ME2: variants seen among roughly 807,000 people sequenced by gnomAD.
The protein encoded by ME2 is malic enzyme 2.
ME2 carries 60 observed loss-of-function variants against 73.7 expected under a neutral mutation model. The ratio of observed to expected loss-of-function variants is 0.81; its 90% CI spans 0.66 to 1.01. ME2 has a LOEUF of 1.01. ME2 is among the 50% of genes least tolerant of loss of function. The pLI, the probability that ME2 is intolerant of heterozygous loss-of-function variation, is 0.00. For synonymous variants in ME2, 199 were observed against 236.9 expected, an observed-to-expected ratio of 0.84 and a Z score of 1.47; for missense variants, 594 against 705.5, an observed-to-expected ratio of 0.84 and a Z score of 1.79.
chr18:50,898,400 A>G (rs2144201429), intron 2 of ME2, among the ~76,000 whole-genome samples: 1 of 152,180 alleles, frequency 6.6e-6, no homozygotes, highest in South Asian at 2.1e-4. Context: ...GAACTTTTTT[A>G]TTATCCCAAG....
intron 15 of ME2, among the ~76,000 whole-genome samples, chr18:50,942,895 G>A (rs923465468): frequency 8.6e-5 from 13 of 151,520 alleles, no homozygotes; most frequent in African/African-American, 2.7e-4. Context: ...TGCATAGTCC[G>A]TTTTTCTCTA....
rs1000700979 is a variant in ME2 at position 50,953,659 on chromosome 18, T to C, written c.*6475T>C. 6.6e-6 allele frequency: 1 copy of C among 152,222 alleles called. No homozygotes were observed. The highest frequency in any genetic ancestry group is 1.5e-5 in the Non-Finnish European group (1 of 68,036). 9.4% of individuals were successfully genotyped at this position (152,222 alleles called of 1,614,324 possible). ...AAATTTCAGTTGTGCTTATATATTA[T>C]AATATTCACTTTAGGAATCCACCTG... On this transcript the variant is annotated 3_prime_UTR_variant, in exon 16 of 16. Coordinates refer to ENST00000321341, the MANE Select transcript of ME2 (RefSeq NM_002396.5).
intron 3 of ME2, among the ~76,000 whole-genome samples, chr18:50,912,148 A>G (rs2144223895): frequency 6.6e-6 from 1 of 152,300 alleles, no homozygotes; most frequent in South Asian, 2.1e-4. Flanking sequence ...GTCAGGGGAA[A>G]GATAAGTCTG....
intron 4 of ME2, 119 bp from the exon 5 acceptor site, chr18:50,916,049 T>G: frequency 1.4e-6 from 1 of 696,118 alleles, no homozygotes; most frequent in South Asian, 2.0e-5. Context: ...TAGCTAAATC[T>G]GCTTGGAAAT....
rs1285852086 is a variant in ME2, at chr18:50,950,867, T to A, written c.*3683T>A. ...TGAACAACATGCTGAGAGGCATTGC[T>A]CCAGGATACTGCATGTAGTGAGCAG... On this transcript the variant is annotated 3_prime_UTR_variant, in exon 16 of 16. Transcript: ENST00000321341. 2.6e-5 allele frequency: 4 copies of A among 152,184 alleles called. No individual in the cohort carries two copies. The East Asian group carries it at 7.7e-4, about 29-fold the overall frequency. 9.4% of individuals were successfully genotyped at this position (152,184 alleles called of 1,614,324 possible).
rs796828414 is a variant in ME2 at position 50,948,033 on chromosome 18, C to A, written c.*849C>A. 3 of 152,298 alleles carry A rather than the reference C, an allele frequency of 2.0e-5. No individual in the cohort carries two copies. The highest frequency in any genetic ancestry group is 7.2e-5 in the African/African-American group (3 of 41,566). The allele number at this position is 152,298 out of a possible 1,614,324, so 9.4% of individuals were successfully genotyped here. ...GGGAACATCACGTGACTTTTTAAAT[C>A]TAAATTAGTCATGCTTCACATCAAA... On this transcript the variant is annotated 3_prime_UTR_variant, in exon 16 of 16. Coordinates refer to ENST00000321341, the MANE Select transcript of ME2 (RefSeq NM_002396.5).
rs1320031263 is a variant in ME2, at chr18:50,950,467, C to CCTTTTTTTTTTTTTTTTT, written c.*3283_*3284insCTTTTTTTTTTTTTTTTT. The CCTTTTTTTTTTTTTTTTT allele has an allele frequency of 1.6e-4, 7 of 45,088 alleles. No homozygotes were observed. Among genetic ancestry groups the CCTTTTTTTTTTTTTTTTT allele is most frequent in the African/African-American group, 6.2e-4 (7 of 11,298 alleles). 2.8% of individuals were successfully genotyped at this position (45,088 alleles called of 1,614,324 possible). A position where few individuals can be genotyped will look rare whatever the true frequency, so the allele number is the denominator to read the frequency against. On this transcript the variant is annotated 3_prime_UTR_variant, in exon 16 of 16. Coordinates refer to ENST00000321341, the MANE Select transcript of ME2 (RefSeq NM_002396.5). Reference sequence around the variant, plus strand: ...GCCTGGGGTGGGGCCTCAGATTCTGCTTTTTTTTTTTTTTTTTTTTTTTTT... The same window carrying CCTTTTTTTTTTTTTTTTT: ...GCCTGGGGTGGGGCCTCAGATTCTGCCTTTTTTTTTTTTTTTTTTTTTTTTTTTTTTTTTTTTTTTTTT...
chr18:50,917,081 A>T (rs1384435269), intron 5 of ME2: 15 of 265,334 alleles, frequency 5.7e-5, no homozygotes, highest in Non-Finnish European at 8.0e-5. Context: ...CTTTCTGAAG[A>T]TATTTAAGTT....
At position 50,912,956 on chromosome 18, in the gene ME2, G is replaced by T. The variant is rs773531238; in HGVS notation, c.392+6G>T. The T allele has an allele frequency of 2.5e-6, 4 of 1,573,832 alleles. No homozygotes were observed. The highest frequency in any genetic ancestry group is 2.8e-5 in the African/African-American group (2 of 72,328). On this transcript the variant is annotated splice_donor_region_variant and intron_variant, in intron 4 of 15. Transcript: ENST00000321341. ...CACATCTTTAGAAGACCTAAGTAAG[G>T]CTTGTTTAAAAAAAAGCTTGTAAAT...
rs1422921159 is a variant in ME2 at position 50,927,738 on chromosome 18, A to C, written c.1314+1840A>C. Among the ~76,000 whole-genome samples the C allele has an allele frequency of 4.4e-3, 593 of 135,702 alleles. 19 individuals carry two copies. In the East Asian group the frequency reaches 0.065, roughly 15 times the overall value. The allele number at this position is 135,702 out of a possible 152,430, so 89.0% of individuals were successfully genotyped here. On this transcript the variant is annotated intron_variant, in intron 12 of 15. Transcript: ENST00000321341. ...CAAAAAACCATATATATATATATAT[A>C]TATATATATATATACACACCACAGT...
At chr18:50,922,154 A>G (rs915665945) in intron 10 of ME2, among the ~76,000 whole-genome samples, 2 of 152,244 alleles carry the variant, frequency 1.3e-5, no homozygotes, top group Non-Finnish European at 2.9e-5. Context: ...AAAAAATAAA[A>G]TGAAAAGTTA....
At chr18:50,889,312 A>G (rs543961116) in intron 1 of ME2, among the ~76,000 whole-genome samples, 2 of 152,290 alleles carry the variant, frequency 1.3e-5, no homozygotes, top group East Asian at 3.9e-4. Context: ...TTTCAGCCCT[A>G]TCCATGAGCT....
At chr18:50,913,890 CAT>C (rs1491060100) in intron 4 of ME2, among the ~76,000 whole-genome samples, 4 of 152,050 alleles carry the variant, frequency 2.6e-5, no homozygotes, top group East Asian at 1.9e-4. Context: ...CACACACACA[CAT>C]ATGCTGTTTT....
chr18:50,939,122 A>C (rs1227518846), intron 13 of ME2: 1 of 129,182 alleles, frequency 7.7e-6, no homozygotes, highest in South Asian at 2.8e-4. Flanking sequence ...GCACAATAAG[A>C]GAAGGCAAAA....
rs746122412 is a variant in ME2 at position 50,947,005 on chromosome 18, C to T, written c.1588-12C>T. The stretch of plus-strand genomic sequence containing the variant: ...ACTCAGAGCCTACACAATAACCTTA[C>T]TTATTTTTCAGGTTACAGAATACCT... On this transcript the variant is annotated splice_polypyrimidine_tract_variant and intron_variant, in intron 15 of 15. Coordinates refer to ENST00000321341, the MANE Select transcript of ME2 (RefSeq NM_002396.5). 1 of 1,602,362 alleles carries T rather than the reference C, an allele frequency of 6.2e-7. No homozygotes were observed. The highest frequency in any genetic ancestry group is 1.1e-5 in the South Asian group (1 of 90,786).
At chr18:50,908,931 G>A (rs1474461613) in intron 3 of ME2, among the ~76,000 whole-genome samples, 2 of 147,958 alleles carry the variant, frequency 1.4e-5, no homozygotes, top group African/African-American at 2.5e-5. Flanking sequence ...ATGAGCCACT[G>A]CGCCTGGACT....
chr18:50,937,522 A>G (rs560535686), intron 13 of ME2, among the ~76,000 whole-genome samples: 1 of 152,344 alleles, frequency 6.6e-6, no homozygotes, highest in South Asian at 2.1e-4. Context: ...ATCTGAAGAA[A>G]GTCTCTTTAT....
rs542457660 is a variant in ME2, at chr18:50,905,256, A to G, written c.109-2807A>G. Among the ~76,000 whole-genome samples the G allele has an allele frequency of 2.6e-5, 4 of 152,244 alleles. No individual in the cohort carries two copies. The East Asian group carries it at 7.7e-4, about 29-fold the overall frequency. On this transcript the variant is annotated intron_variant, in intron 2 of 15. Transcript: ENST00000321341. ...CACCTAAGGCTCCCAAAGTGCTGGG[A>G]TTAGAGGCGTGAGCCACCGCACCTG...
At chr18:50,933,498 G>A (rs2144258480) in intron 13 of ME2, 1 of 152,004 alleles carries the variant, frequency 6.6e-6, no homozygotes, top group South Asian at 2.1e-4. Context: ...TGTCTCTTGA[G>A]ACCTAACTTC....
Sources: allele counts gnomAD v4.1 joint callset (sites outside exome capture counted in the v4.1 genomes callset), GRCh38; gene constraint gnomAD v4.1.1; transcripts MANE v1.5; gene names NCBI Gene and HGNC (gene_info 2026-07-23, HGNC 2026-07-21).